SLC66A3: variants seen among roughly 807,000 people sequenced by gnomAD.
The protein encoded by SLC66A3 is solute carrier family 66 member 3.
SLC66A3 carries 23 observed loss-of-function variants against 25.5 expected under a neutral mutation model. The ratio of observed to expected loss-of-function variants is 0.90; its 90% CI spans 0.65 to 1.28. The LOEUF (loss-of-function observed/expected upper bound fraction) is 1.28, where lower values mean the gene tolerates loss of function less well. Ranked by LOEUF, SLC66A3 falls within the 50% of genes most tolerant of loss-of-function variation. The pLI is 0.00. For synonymous variants in SLC66A3, 108 were observed against 112.6 expected, an observed-to-expected ratio of 0.96 and a Z score of 0.26; for missense variants, 246 against 262.1, an observed-to-expected ratio of 0.94 and a Z score of 0.42.
chr2:11,168,003 G>C (rs189747144), intron 4 of SLC66A3, among the ~76,000 whole-genome samples: 113 of 152,292 alleles, frequency 7.4e-4, no homozygotes, highest in African/African-American at 2.6e-3. Context: ...CTGCAAGGCC[G>C]GGTGCGGTGG....
chr2:11,169,450 G>A (rs1288413778), intron 4 of SLC66A3, among the ~76,000 whole-genome samples: 1 of 152,156 alleles, frequency 6.6e-6, no homozygotes, highest in Non-Finnish European at 1.5e-5. Flanking sequence ...CCTGTGGCCA[G>A]TTCTCATTCC....
chr2:11,158,067 G>A lies in SLC66A3; in HGVS notation c.143+2378G>A, dbSNP rs148282741. Among the ~76,000 whole-genome samples, 1,062 of 152,340 alleles carry A rather than the reference G, an allele frequency of 7.0e-3. 14 individuals are homozygous for A. The highest frequency in any genetic ancestry group is 0.024 in the African/African-American group (1,006 of 41,572). ...CCAGGTCACTTGTCCCCCAGCCTGG[G>A]TGGGGGTACGTTTTGTTTAACCCTC... On this transcript the variant is annotated intron_variant, in intron 1 of 6. Coordinates refer to ENST00000295083, the MANE Select transcript of SLC66A3 (RefSeq NM_152391.5).
intron 6 of SLC66A3, 121 bp from the exon 7 acceptor site, chr2:11,177,616 C>G (rs1662806413): frequency 1.6e-6 from 1 of 623,864 alleles, no homozygotes; most frequent in Non-Finnish European, 2.7e-6. Context: ...ATAACTGGAA[C>G]CAAAATTGTT....
chr2:11,155,822 G>A, intron 1 of SLC66A3, 133 bp downstream of exon 1: 1 of 813,332 alleles, frequency 1.2e-6, no homozygotes, highest in East Asian at 3.4e-5. Flanking sequence ...GGCGGCCGAG[G>A]GTGAACTAGG....
rs774944665 is a variant in SLC66A3, at chr2:11,155,679, G to C, written c.133G>C (p.Glu45Gln). Residue 45 changes from glutamate (E) to glutamine (Q), a missense_variant, in exon 1 of 7, where the codon GAG becomes CAG. This residue lies in a region of SLC66A3 where 142 missense variants were observed against 130.3 expected (regional missense o/e 1.09). Transcript: ENST00000295083. Reference protein sequence around the residue: ...RGLSLPSLLLELAGFLVFLRY... With the variant: ...RGLSLPSLLLQLAGFLVFLRY... ...CCTCAGCCTTCCGAGTTTACTTCTG[G>C]AGCTGGCAGGGTAAGGCCCGGGGCG... 2.1e-4 allele frequency: 305 copies of C among 1,446,840 alleles called. 2 individuals are homozygous for C. The highest frequency in any genetic ancestry group is 6.1e-5 in the Non-Finnish European group (67 of 1,104,628). 89.6% of individuals were successfully genotyped at this position (1,446,840 alleles called of 1,614,324 possible). A position where few individuals can be genotyped will look rare whatever the true frequency, so the allele number is the denominator to read the frequency against.
chr2:11,157,097 C>T (rs1323022428), intron 1 of SLC66A3, among the ~76,000 whole-genome samples: 1 of 152,196 alleles, frequency 6.6e-6, no homozygotes, highest in African/African-American at 2.4e-5. Flanking sequence ...CCGCCAGCCC[C>T]TAGGCCTGCA....
intron 4 of SLC66A3, 33 bp from the exon 5 acceptor site, chr2:11,171,892 C>G: frequency 6.2e-7 from 1 of 1,612,126 alleles, no homozygotes; most frequent in South Asian, 1.1e-5. Flanking sequence ...AACAAATCGA[C>G]TCGTGACTTT....
chr2:11,174,946 T>G (rs770032787), intron 5 of SLC66A3, 22 bp from the exon 6 acceptor site: 1 of 1,603,406 alleles, frequency 6.2e-7, no homozygotes, highest in Non-Finnish European at 8.5e-7. Context: ...AGTTACTTAT[T>G]GCTGCAAGTT....
intron 4 of SLC66A3, among the ~76,000 whole-genome samples, chr2:11,170,437 C>A (rs1456095154): frequency 6.6e-6 from 1 of 152,132 alleles, no homozygotes; most frequent in East Asian, 1.9e-4. Context: ...GGATCTCTTA[C>A]CTCACTGTAT....
chr2:11,163,529 C>A (rs185985646), intron 3 of SLC66A3, among the ~76,000 whole-genome samples: 12 of 152,182 alleles, frequency 7.9e-5, no homozygotes, highest in Non-Finnish European at 1.8e-4. Flanking sequence ...TCTCTTGAGT[C>A]GGTGCTACGT....
intron 3 of SLC66A3, 62 bp from the exon 4 acceptor site, chr2:11,164,142 T>G: frequency 9.9e-7 from 1 of 1,008,586 alleles, no homozygotes; most frequent in Non-Finnish European, 1.5e-6. Context: ...TTTGTATATG[T>G]GAGATGGGAG....
chr2:11,160,497 T>C lies in SLC66A3; in HGVS notation c.175T>C (p.Tyr59His). Residue 59 changes from tyrosine (Y) to histidine (H), a missense_variant, in exon 2 of 7, where the codon TAT (tyrosine) becomes CAT (histidine). Around this residue, in one of 3 missense-constraint regions of SLC66A3, gnomAD observed 142 missense variants for 130.3 expected, o/e 1.09. Coordinates refer to ENST00000295083, the MANE Select transcript of SLC66A3 (RefSeq NM_152391.5). ...FLVFLRYQCY[Y>H]GYPPLTYLEY... is the part of the protein sequence containing the mutation. ...GGTGTTTCTGCGGTACCAGTGTTAC[T>C]ATGGGTATCCGCCGCTGACCTACCT... The C allele has an allele frequency of 6.2e-7, 1 of 1,614,162 alleles. No individual in the cohort carries two copies. Among genetic ancestry groups the C allele is most frequent in the East Asian group, 2.2e-5 (1 of 44,872 alleles).
Position 11,171,950 on chromosome 2 carries a change from C to G in SLC66A3, c.380C>G (p.Ala127Gly). The G allele has an allele frequency of 6.2e-7, 1 of 1,614,006 alleles. No homozygotes were observed. Among genetic ancestry groups the G allele is most frequent in the Non-Finnish European group, 8.5e-7 (1 of 1,179,946 alleles). Residue 127 changes from alanine to glycine, a missense_variant, in exon 5 of 7, where the codon GCC (alanine) becomes GGC (glycine). Coordinates refer to ENST00000295083, the MANE Select transcript of SLC66A3 (RefSeq NM_152391.5). ...AATCTATGTACTTTCATCAGCGCGG[C>G]CAGTAAGTTTGCACAGCTCCAGTGT... Reference protein sequence around the residue: ...AMNLCTFISAASKFAQLQCLW... With the variant: ...AMNLCTFISAGSKFAQLQCLW...
chr2:11,162,902 G>A (rs1017848529), intron 3 of SLC66A3, among the ~76,000 whole-genome samples: 18 of 152,174 alleles, frequency 1.2e-4, no homozygotes, highest in Non-Finnish European at 2.4e-4. Context: ...CACCGTGCCC[G>A]GCCTAATGAA....
Position 11,174,843 on chromosome 2 carries a change from G to C in SLC66A3, c.476-125G>C, listed in dbSNP as rs372800386. ...TAGTTAATATATGTTGTTAAAAAAA[G>C]AATAAAAATAATTTAAAAATAATGG... is the stretch of plus-strand genomic sequence containing the variant. On this transcript the variant is annotated intron_variant, in intron 5 of 6. Transcript: ENST00000295083. The C allele has an allele frequency of 6.0e-4, 331 of 552,446 alleles. 2 individuals are homozygous for C. Among genetic ancestry groups the C allele is most frequent in the African/African-American group, 5.3e-3 (271 of 51,178 alleles). The allele number at this position is 552,446 out of a possible 1,614,324, so 34.2% of individuals were successfully genotyped here. A position where few individuals can be genotyped will look rare whatever the true frequency, so the allele number is the denominator to read the frequency against.
chr2:11,157,906 G>C (rs958615385), intron 1 of SLC66A3, among the ~76,000 whole-genome samples: 2 of 152,150 alleles, frequency 1.3e-5, no homozygotes, highest in Non-Finnish European at 2.9e-5. Flanking sequence ...CTGCAGCCAG[G>C]AGCCTCCTGG....
chr2:11,177,719 CT>C lies in SLC66A3; in HGVS notation c.518-8del, dbSNP rs142021259. 3,191 of 1,345,628 alleles carry C rather than the reference CT, an allele frequency of 2.4e-3. No individual in the cohort carries two copies. Among genetic ancestry groups the C allele is most frequent in the Non-Finnish European group, 2.6e-3 (2,580 of 977,564 alleles). The allele number at this position is 1,345,628 out of a possible 1,614,324, so 83.4% of individuals were successfully genotyped here. ...TATTGTAAAGACAGTTTTTAATACA[CT>C]TTTTTTTTTATTTCAGTTCTTCTAC... On this transcript the variant is annotated splice_polypyrimidine_tract_variant and intron_variant, in intron 6 of 6. Coordinates refer to ENST00000295083, the MANE Select transcript of SLC66A3 (RefSeq NM_152391.5).
intron 5 of SLC66A3, among the ~76,000 whole-genome samples, chr2:11,172,581 C>T (rs1456121441): frequency 2.0e-5 from 3 of 152,162 alleles, no homozygotes; most frequent in Non-Finnish European, 2.9e-5. Flanking sequence ...AGAGCTATCA[C>T]ATTAGTTGGA....
rs1205195334 is a variant in SLC66A3, at chr2:11,178,589, A to AAAT, written c.*763_*765dup. ...ATTACCACTGTTGGAATTTGGTACA[A>AAAT]AATATGTTTTGTCTATTGAAAACAT... On this transcript the variant is annotated 3_prime_UTR_variant, in exon 7 of 7. Coordinates refer to ENST00000295083, the MANE Select transcript of SLC66A3 (RefSeq NM_152391.5). 1 of 152,682 alleles carries AAAT rather than the reference A, an allele frequency of 6.5e-6. No individual in the cohort carries two copies. The highest frequency in any genetic ancestry group is 2.4e-5 in the African/African-American group (1 of 41,476). 9.5% of individuals were successfully genotyped at this position (152,682 alleles called of 1,614,324 possible).
Sources: allele counts gnomAD v4.1 joint callset (sites outside exome capture counted in the v4.1 genomes callset), GRCh38; gene constraint gnomAD v4.1.1; regional missense constraint gnomAD v4.1.1; transcripts MANE v1.5; gene names NCBI Gene and HGNC (gene_info 2026-07-23, HGNC 2026-07-21).